The following SPATA13 variants were observed in gnomAD, a reference collection of about 807,000 sequenced individuals.
SPATA13 encodes spermatogenesis associated 13.
In SPATA13, 50 loss-of-function variants were observed where a neutral mutation model predicts 104.0. The observed-to-expected ratio is 0.48, with a 90% CI of 0.38 to 0.61. SPATA13 has a LOEUF of 0.61. Among genes scored for constraint, SPATA13 ranks in the 20% least tolerant of loss-of-function variants. SPATA13 has a pLI of 0.00. For missense variants in SPATA13, 1,524 were observed against 1,690.6 expected (o/e 0.90, Z 1.73); for synonymous variants, 606 against 667.5 (o/e 0.91, Z 1.42).
At chr13:24,238,488 G>A (rs990040240) in intron 2 of SPATA13, among the ~76,000 whole-genome samples, 4 of 152,030 alleles carry the variant, frequency 2.6e-5, no homozygotes, top group African/African-American at 9.7e-5. Flanking sequence ...GAATGTTTTG[G>A]CTGGTTGGGA....
chr13:24,247,702 C>A (rs1325451386), intron 2 of SPATA13, among the ~76,000 whole-genome samples: 1 of 151,982 alleles, frequency 6.6e-6, no homozygotes, highest in African/African-American at 2.4e-5. Context: ...CAGCTGGTCT[C>A]AAACTCCTGA....
At chr13:24,296,787 A>G (rs528443258) in intron 10 of SPATA13, among the ~76,000 whole-genome samples, 1 of 152,204 alleles carries the variant, frequency 6.6e-6, no homozygotes, top group Admixed American at 6.5e-5. Flanking sequence ...AGGCACTGTC[A>G]CATTTTTCTA....
chr13:24,060,801 G>A (rs1186687385), intron 3 of SPATA13, among the ~76,000 whole-genome samples: 1 of 152,222 alleles, frequency 6.6e-6, no homozygotes, highest in Non-Finnish European at 1.5e-5. Context: ...GCTGGCTCAT[G>A]CCTGTAATCC....
At chr13:24,258,613 G>C (rs1250261669) in intron 4 of SPATA13, among the ~76,000 whole-genome samples, 1 of 151,536 alleles carries the variant, frequency 6.6e-6, no homozygotes, top group African/African-American at 2.4e-5. Context: ...AGGTTGCAGC[G>C]GGCCAAGATC....
chr13:24,024,712 A>G (rs1235288165), intron 3 of SPATA13, among the ~76,000 whole-genome samples: 1 of 151,164 alleles, frequency 6.6e-6, no homozygotes, highest in Non-Finnish European at 1.5e-5. Flanking sequence ...TATATATGTT[A>G]TATATATAGT....
intron 3 of SPATA13, among the ~76,000 whole-genome samples, chr13:24,060,154 A>G (rs1392429441): frequency 6.6e-6 from 1 of 152,248 alleles, no homozygotes; most frequent in Non-Finnish European, 1.5e-5. Flanking sequence ...AGCTGGAGGC[A>G]TCATATTACC....
upstream of SPATA13, among the ~76,000 whole-genome samples, chr13:24,157,419 C>T (rs926866588): frequency 4.1e-4 from 63 of 152,178 alleles, 1 homozygote; most frequent in Admixed American, 3.9e-3. Flanking sequence ...CTGCCTTAGC[C>T]TCCGGAGTAG....
At chr13:24,264,784 C>T (rs532072344) in intron 4 of SPATA13, among the ~76,000 whole-genome samples, 6 of 152,294 alleles carry the variant, frequency 3.9e-5, no homozygotes, top group South Asian at 4.1e-4. Flanking sequence ...GAAAAATCCA[C>T]GTGTGCTTAC....
intron 3 of SPATA13, among the ~76,000 whole-genome samples, chr13:24,078,264 C>T (rs1261362267): frequency 2.6e-5 from 4 of 152,208 alleles, no homozygotes; most frequent in Admixed American, 1.3e-4. Context: ...TGGAGCCAGA[C>T]ACGCCTCTGT....
chr13:24,065,348 G>C (rs1878916576), intron 3 of SPATA13, among the ~76,000 whole-genome samples: 2 of 152,146 alleles, frequency 1.3e-5, no homozygotes, highest in Admixed American at 1.3e-4. Flanking sequence ...TAGCAGATGG[G>C]AGGCAGAGCA....
At chr13:24,072,319 C>T in intron 3 of SPATA13, among the ~76,000 whole-genome samples, 1 of 152,288 alleles carries the variant, frequency 6.6e-6, no homozygotes, top group Admixed American at 6.5e-5. Context: ...TCTTTAAAAT[C>T]TTTCTACCTG....
chr13:24,194,608 G>A (rs4770623), intron 1 of SPATA13, among the ~76,000 whole-genome samples: 59,117 of 152,106 alleles, frequency 0.39, 12,768 homozygotes, highest in East Asian at 0.67. Flanking sequence ...GCTGCATAAT[G>A]AGCCCGGTAG....
intron 3 of SPATA13, among the ~76,000 whole-genome samples, chr13:24,072,237 T>C (rs1181723089): frequency 4.6e-5 from 7 of 152,224 alleles, no homozygotes; most frequent in Non-Finnish European, 7.4e-5. Flanking sequence ...TGAAAATTAA[T>C]TTTTAAAAGC....
In SPATA13 at chr13:24,297,588, A is replaced by G. The variant is rs770751818; in HGVS notation, c.3436A>G (p.Asn1146Asp). 2.5e-6 allele frequency: 4 copies of G among 1,614,222 alleles called. No homozygotes were observed. The highest frequency in any genetic ancestry group is 3.4e-6 in the Non-Finnish European group (4 of 1,180,050). The change falls in exon 11 of 13, where the codon AAC becomes GAC. Residue 1146 changes from asparagine to aspartate, a missense_variant. By Grantham distance (23) the Asn-to-Asp change is conservative (BLOSUM62 1). Around this residue, in one of 2 missense-constraint regions of SPATA13, gnomAD observed 435 missense variants for 554.8 expected, o/e 0.78. Coordinates refer to ENST00000382108, the MANE Select transcript of SPATA13 (RefSeq NM_001166271.3). ...GGGGGATGGGCGCGACAAGGACTGC[A>G]ACCTCAGCGTGAAAAATGCCTTCAA... ...DLGDGRDKDC[N>D]LSVKNAFKLV...
rs906672617 is a variant in SPATA13 at position 24,224,519 on chromosome 13, C to T, written c.1590C>T (p.Gly530=). Residue 530 remains glycine (G), a synonymous_variant, in exon 2 of 13, where the codon GGC becomes GGT. Transcript: ENST00000382108. Reference sequence around the variant, plus strand: ...TGGAAGCCACACATGGTGATGAGGGCAGCAAGGACCTTCTGGTGAACATTG... The same window carrying T: ...TGGAAGCCACACATGGTGATGAGGGTAGCAAGGACCTTCTGGTGAACATTG... The part of the protein sequence containing the change: ...DPLEATHGDE[G]SKDLLVNIGV... The T allele has an allele frequency of 1.9e-6, 3 of 1,547,354 alleles. No homozygotes were observed. In the African/African-American group the frequency reaches 4.1e-5, roughly 21 times the overall value.
intron 3 of SPATA13, among the ~76,000 whole-genome samples, chr13:24,075,226 A>T (rs941167750): frequency 2.6e-5 from 4 of 152,180 alleles, no homozygotes; most frequent in African/African-American, 9.7e-5. Context: ...TTTAGTATTA[A>T]TTTAGTTTTT....
intron 2 of SPATA13, among the ~76,000 whole-genome samples, chr13:23,994,846 T>G (rs949405130): frequency 3.3e-5 from 5 of 152,180 alleles, no homozygotes; most frequent in Non-Finnish European, 7.4e-5. Flanking sequence ...GCCCTACATT[T>G]TAGGCCAAAA....
intron 3 of SPATA13, chr13:24,123,957 C>T: frequency 3.8e-6 from 2 of 520,102 alleles, no homozygotes; most frequent in Non-Finnish European, 6.8e-6. Context: ...TGGGCAGACT[C>T]TGGCCATGGG....
intron 2 of SPATA13, among the ~76,000 whole-genome samples, chr13:24,243,174 A>T (rs576171323): frequency 6.6e-6 from 1 of 152,278 alleles, no homozygotes; most frequent in African/African-American, 2.4e-5. Flanking sequence ...TATTCACGTC[A>T]CTCATCCATA....
Sources: gnomAD v4.1 joint callset for allele counts (sites outside exome capture counted in the v4.1 genomes callset) on GRCh38, gnomAD v4.1.1 for gene constraint, gnomAD v4.1.1 regional missense constraint, MANE v1.5 for transcripts, NCBI Gene and HGNC (gene_info 2026-07-23, HGNC 2026-07-21) for gene names.